Variants in MTUS2 observed in about 807,000 individuals in gnomAD.
MTUS2 encodes microtubule-associated tumor suppressor candidate 2.
Under a neutral mutation model 114.1 loss-of-function variants are expected in MTUS2, and 40 were observed. The observed-to-expected ratio is 0.35, with a 90% CI of 0.27 to 0.46. The LOEUF (loss-of-function observed/expected upper bound fraction) is 0.46. MTUS2 is among the 20% of genes least tolerant of loss of function. MTUS2 has a pLI of 1.00. For missense variants in MTUS2, 1,679 were observed against 1,705.4 expected (o/e 0.98, Z 0.27); for synonymous variants, 688 against 672.0 (o/e 1.02, Z -0.37).
chr13:29,342,773 C>T (rs1901463716), intron 7 of MTUS2, among the ~76,000 whole-genome samples: 1 of 152,028 alleles, frequency 6.6e-6, no homozygotes, highest in African/African-American at 2.4e-5. Flanking sequence ...TTCCCCCATT[C>T]AGTATAATGT....
chr13:29,286,187 A>T (rs1898473452), intron 6 of MTUS2, among the ~76,000 whole-genome samples: 1 of 152,178 alleles, frequency 6.6e-6, no homozygotes, highest in Non-Finnish European at 1.5e-5. Context: ...CAGCCTCCCA[A>T]AGTGCTGGGA....
At chr13:29,088,883 C>A (rs973843954) in intron 4 of MTUS2, among the ~76,000 whole-genome samples, 7 of 152,184 alleles carry the variant, frequency 4.6e-5, no homozygotes, top group African/African-American at 1.4e-4. Flanking sequence ...TTGAAGACAG[C>A]ACACAGTTGG....
In MTUS2 at chr13:29,475,197, A is replaced by G. The variant is rs527613114; in HGVS notation, c.3185-4953A>G. Among the ~76,000 whole-genome samples the G allele has an allele frequency of 8.0e-4, 121 of 152,182 alleles. 1 individual carries two copies. The highest frequency in any genetic ancestry group is 1.5e-3 in the Non-Finnish European group (105 of 68,030). ...ATTATAATGCAGCTGAAAAATTTCT[A>G]TCACCCGGTGACGTCAGAGCCTCAT... On this transcript the variant is annotated intron_variant, in intron 9 of 15. Coordinates refer to ENST00000612955, the MANE Select transcript of MTUS2 (RefSeq NM_001033602.4).
chr13:29,494,994 G>A (rs1566237714), intron 12 of MTUS2, among the ~76,000 whole-genome samples: 1 of 151,656 alleles, frequency 6.6e-6, no homozygotes, highest in Admixed American at 6.6e-5. Flanking sequence ...AGACCAGCCT[G>A]GACAACATGG....
At chr13:29,341,068 G>C (rs565953340) in intron 7 of MTUS2, among the ~76,000 whole-genome samples, 1 of 152,278 alleles carries the variant, frequency 6.6e-6, no homozygotes, top group East Asian at 1.9e-4. Flanking sequence ...CATTTGGGCT[G>C]ATTCCATATT....
chr13:29,087,833 C>T (rs753833328), intron 4 of MTUS2, among the ~76,000 whole-genome samples: 8 of 152,038 alleles, frequency 5.3e-5, no homozygotes, highest in Non-Finnish European at 7.4e-5. Flanking sequence ...CTGAGGCAGG[C>T]GGATCACAAG....
At chr13:28,923,881 A>G (rs1004053545) in intron 2 of MTUS2, among the ~76,000 whole-genome samples, 10 of 152,138 alleles carry the variant, frequency 6.6e-5, no homozygotes, top group Non-Finnish European at 8.8e-5. Flanking sequence ...CCTTAGGGTC[A>G]GACCCTGGAT....
At chr13:29,120,799 G>C (rs1330316094) in intron 5 of MTUS2, among the ~76,000 whole-genome samples, 1 of 152,086 alleles carries the variant, frequency 6.6e-6, no homozygotes, top group Non-Finnish European at 1.5e-5. Flanking sequence ...TTCTTGCAGT[G>C]GAGATCAAAG....
At chr13:29,230,336 A>C (rs1213960985) in intron 5 of MTUS2, among the ~76,000 whole-genome samples, 7 of 152,250 alleles carry the variant, frequency 4.6e-5, no homozygotes, top group African/African-American at 1.7e-4. Context: ...ATCAAGAGAG[A>C]AGAAACTGAT....
intron 5 of MTUS2, among the ~76,000 whole-genome samples, chr13:29,174,760 T>TG (rs1893702800): frequency 6.6e-6 from 1 of 152,214 alleles, no homozygotes; most frequent in South Asian, 2.1e-4. Flanking sequence ...GTGGAATAAA[T>TG]GGAAGGGTTT....
intron 6 of MTUS2, among the ~76,000 whole-genome samples, chr13:29,292,553 T>C (rs1042462924): frequency 1.3e-5 from 2 of 152,194 alleles, no homozygotes; most frequent in Non-Finnish European, 2.9e-5. Context: ...AGGCCTATAA[T>C]CTTATTATCT....
At chr13:29,192,751 G>A (rs956872997) in intron 5 of MTUS2, among the ~76,000 whole-genome samples, 1 of 152,042 alleles carries the variant, frequency 6.6e-6, no homozygotes, top group Non-Finnish European at 1.5e-5. Flanking sequence ...TGCTATCTAG[G>A]CTGCTTTTCT....
At chr13:28,948,076 A>T (rs1334296480) in intron 2 of MTUS2, among the ~76,000 whole-genome samples, 2 of 152,224 alleles carry the variant, frequency 1.3e-5, no homozygotes, top group African/African-American at 2.4e-5. Context: ...CAGAGCTAGC[A>T]TATTTATGCA....
chr13:29,073,558 G>C (rs1195453628), intron 4 of MTUS2, among the ~76,000 whole-genome samples: 1 of 151,924 alleles, frequency 6.6e-6, no homozygotes, highest in Non-Finnish European at 1.5e-5. Flanking sequence ...TGGGGGTGGG[G>C]GGTTACCCTT....
At chr13:28,967,817 T>C (rs977058550) in intron 2 of MTUS2, among the ~76,000 whole-genome samples, 1 of 152,180 alleles carries the variant, frequency 6.6e-6, no homozygotes, top group African/African-American at 2.4e-5. Context: ...CATGAGTCTG[T>C]GTATATAGAG....
intron 8 of MTUS2, among the ~76,000 whole-genome samples, chr13:29,420,921 GA>G (rs1260199594): frequency 1.3e-5 from 2 of 152,066 alleles, no homozygotes; most frequent in African/African-American, 4.8e-5. Flanking sequence ...AACAGACAGG[GA>G]AAAAAAGATT....
At chr13:28,999,110 T>C (rs1885261733) in intron 2 of MTUS2, among the ~76,000 whole-genome samples, 1 of 152,342 alleles carries the variant, frequency 6.6e-6, no homozygotes, top group Non-Finnish European at 1.5e-5. Flanking sequence ...CTTCTAACAG[T>C]CAGGACCCTC....
intron 2 of MTUS2, among the ~76,000 whole-genome samples, chr13:28,955,560 G>T (rs1883021035): frequency 6.6e-6 from 1 of 152,176 alleles, no homozygotes; most frequent in South Asian, 2.1e-4. Flanking sequence ...TTTTCTAGGT[G>T]TCTGTGTCTG....
At chr13:29,353,706 G>A (rs1014861217) in intron 7 of MTUS2, among the ~76,000 whole-genome samples, 4 of 152,150 alleles carry the variant, frequency 2.6e-5, no homozygotes, top group Admixed American at 1.3e-4. Context: ...GTACTGATCA[G>A]CACTTCTTCC....
Sources: gnomAD v4.1 joint callset for allele counts (sites outside exome capture counted in the v4.1 genomes callset) on GRCh38, gnomAD v4.1.1 for gene constraint, MANE v1.5 for transcripts, NCBI Gene and HGNC (gene_info 2026-07-23, HGNC 2026-07-21) for gene names.